Variants in REDIC1 observed in about 807,000 individuals in gnomAD.
REDIC1 encodes HEI10 Interacting Protein 1.
chr12:39,721,777 C>A, the REDIC1 span: 5 of 152,010 alleles, frequency 3.3e-5, no homozygotes, highest in African/African-American at 7.2e-5. Context: ...TTGTAGATAA[C>A]ACATATCTTC....
At chr12:39,664,388 C>T in the REDIC1 span, among the ~76,000 whole-genome samples, 2 of 152,120 alleles carry the variant, frequency 1.3e-5, no homozygotes, top group African/African-American at 2.4e-5. Context: ...ATCCATGTCC[C>T]TACAAAGGAC....
the REDIC1 span, chr12:39,643,729 G>T: frequency 7.8e-7 from 1 of 1,282,068 alleles, no homozygotes; most frequent in Admixed American, 2.3e-5. Context: ...TTATAATTCT[G>T]TCTAAAACCG....
chr12:39,687,286 G>C, the REDIC1 span, among the ~76,000 whole-genome samples: 1 of 152,088 alleles, frequency 6.6e-6, no homozygotes, highest in African/African-American at 2.4e-5. Flanking sequence ...TTCTCACATT[G>C]CTATAAAAAA....
the REDIC1 span, among the ~76,000 whole-genome samples, chr12:39,763,818 G>T: frequency 2.0e-5 from 3 of 152,064 alleles, no homozygotes; most frequent in Non-Finnish European, 2.9e-5. Flanking sequence ...TCCTGACTCA[G>T]CCACTAAGCA....
At chr12:39,647,016 C>T in the REDIC1 span, 6 of 571,108 alleles carry the variant, frequency 1.1e-5, no homozygotes, top group East Asian at 1.9e-4. Context: ...CTTTTAAAAG[C>T]TTTCCAGGTG....
the REDIC1 span, among the ~76,000 whole-genome samples, chr12:39,686,563 A>G: frequency 2.0e-5 from 3 of 151,998 alleles, no homozygotes; most frequent in Non-Finnish European, 2.9e-5. Context: ...CTTCCATCCT[A>G]GGCCTTCAGG....
At chr12:39,744,633 G>T in the REDIC1 span, among the ~76,000 whole-genome samples, 2 of 152,062 alleles carry the variant, frequency 1.3e-5, no homozygotes, top group Admixed American at 1.3e-4. Flanking sequence ...GTAGTACATT[G>T]CAAACTCCAG....
chr12:39,712,971 AT>A, the REDIC1 span, among the ~76,000 whole-genome samples: 1 of 13,476 alleles, frequency 7.4e-5, no homozygotes, highest in Non-Finnish European at 1.6e-4. Context: ...ATACGTGTAT[AT>A]GTATATATAC....
chr12:39,828,698 C>A, the REDIC1 span, among the ~76,000 whole-genome samples: 1 of 132,614 alleles, frequency 7.5e-6, no homozygotes, highest in Non-Finnish European at 1.6e-5. Context: ...TAATTCTAGA[C>A]TAGTAGTAAC....
At chr12:39,824,991 G>C in the REDIC1 span, among the ~76,000 whole-genome samples, 2,141 of 152,256 alleles carry the variant, frequency 0.014, 38 homozygotes, top group African/African-American at 0.047. Context: ...ATCTGTGTGG[G>C]AGAGTGGTGA....
the REDIC1 span, among the ~76,000 whole-genome samples, chr12:39,726,146 T>C: frequency 1.7e-4 from 26 of 151,984 alleles, no homozygotes; most frequent in African/African-American, 6.0e-4. Flanking sequence ...CCTCCTCCTC[T>C]TCCTCCTCTT....
At chr12:39,841,498 G>T in the REDIC1 span, among the ~76,000 whole-genome samples, 1 of 151,954 alleles carries the variant, frequency 6.6e-6, no homozygotes, top group Non-Finnish European at 1.5e-5. Flanking sequence ...GATCAACATA[G>T]TTAAAAACCT....
chr12:39,626,401 C>T, the REDIC1 span: 1 of 1,612,954 alleles, frequency 6.2e-7, no homozygotes, highest in Non-Finnish European at 8.5e-7. Flanking sequence ...ACATTCATTC[C>T]TACGACTCCT....
At chr12:39,799,039 C>T in the REDIC1 span, among the ~76,000 whole-genome samples, 2 of 150,374 alleles carry the variant, frequency 1.3e-5, no homozygotes, top group African/African-American at 2.4e-5. Flanking sequence ...TCAGATAATA[C>T]AGCCACCTGA....
chr12:39,814,878 A>T, the REDIC1 span, among the ~76,000 whole-genome samples: 1 of 151,940 alleles, frequency 6.6e-6, no homozygotes, highest in Non-Finnish European at 1.5e-5. Context: ...CAATCGCTTT[A>T]TCCTCTTAGA....
the REDIC1 span, among the ~76,000 whole-genome samples, chr12:39,673,995 A>G: frequency 6.6e-6 from 1 of 152,336 alleles, no homozygotes; most frequent in East Asian, 1.9e-4. Context: ...CATAATTTTT[A>G]ATGAATTTTA....
the REDIC1 span, among the ~76,000 whole-genome samples, chr12:39,865,275 T>C: frequency 6.6e-6 from 1 of 152,210 alleles, no homozygotes; most frequent in Admixed American, 6.5e-5. Flanking sequence ...CCATCAAGTG[T>C]TCCTTTTGGT....
chr12:39,864,693 A>C, the REDIC1 span: 2 of 1,580,750 alleles, frequency 1.3e-6, no homozygotes, highest in Non-Finnish European at 1.7e-6. Context: ...TACAACTTTA[A>C]AAAAGTTAAA....
At chr12:39,842,644 A>C in the REDIC1 span, among the ~76,000 whole-genome samples, 1 of 152,028 alleles carries the variant, frequency 6.6e-6, no homozygotes, top group Non-Finnish European at 1.5e-5. Context: ...ATTCATATAA[A>C]ATTTACCATT....
Sources: gnomAD v4.1 joint callset for allele counts (sites outside exome capture counted in the v4.1 genomes callset) on GRCh38, gnomAD v4.1.1 for gene constraint, MANE v1.5 for transcripts, NCBI Gene and HGNC (gene_info 2026-07-23, HGNC 2026-07-21) for gene names.